ALG9: variants seen among roughly 807,000 people sequenced by gnomAD.
ALG9 encodes the protein ALG9 alpha-1,2-mannosyltransferase.
In ALG9, 55 loss-of-function variants were observed where a neutral mutation model predicts 81.8. The observed-to-expected ratio is 0.67, with a 90% CI of 0.54 to 0.84. ALG9 has a LOEUF of 0.84. Among genes scored for constraint, ALG9 ranks in the 40% least tolerant of loss-of-function variants. The pLI, the probability that ALG9 is intolerant of heterozygous loss-of-function variation, is 0.00. For synonymous variants in ALG9, 278 were observed against 274.3 expected (o/e 1.01, Z -0.13); for missense variants, 629 against 745.0 (o/e 0.84, Z 1.81).
intron 13 of ALG9, among the ~76,000 whole-genome samples, chr11:111,827,453 A>G (rs532056918): frequency 6.6e-5 from 10 of 151,834 alleles, no homozygotes; most frequent in African/African-American, 1.2e-4. Flanking sequence ...GAAAGTCTCA[A>G]AAGAAGGAGA....
At chr11:111,793,757 G>A (rs540129639) in intron 14 of ALG9, among the ~76,000 whole-genome samples, 1 of 129,372 alleles carries the variant, frequency 7.7e-6, no homozygotes, top group Admixed American at 8.5e-5. Flanking sequence ...TGAGAGTCCA[G>A]CTCAAAAAAA....
At chr11:111,865,069 A>G (rs764013433) in intron 4 of ALG9, 112 bp downstream of exon 4, 11 of 852,206 alleles carry the variant, frequency 1.3e-5, no homozygotes, top group Admixed American at 3.3e-5. Flanking sequence ...GAGCCACCGC[A>G]CCCGGTCAAG....
intron 13 of ALG9, among the ~76,000 whole-genome samples, chr11:111,829,521 T>C (rs1953969297): frequency 6.6e-6 from 1 of 152,198 alleles, no homozygotes; most frequent in African/African-American, 2.4e-5. Flanking sequence ...TTATCCATCA[T>C]CAATATCACA....
intron 13 of ALG9, among the ~76,000 whole-genome samples, chr11:111,814,129 A>G (rs116672320): frequency 0.021 from 3,261 of 152,328 alleles, 107 homozygotes; most frequent in African/African-American, 0.073. Flanking sequence ...AACACCCGTC[A>G]ACAGTAAAAT....
At chr11:111,871,310 GC>G in intron 1 of ALG9, 41 bp downstream of exon 1, 2 of 1,383,246 alleles carry the variant, frequency 1.4e-6, no homozygotes, top group South Asian at 1.7e-5. Context: ...GCCCCGAACC[GC>G]CCCGCCGGCC....
intron 14 of ALG9, among the ~76,000 whole-genome samples, chr11:111,794,337 G>A (rs1159343657): frequency 6.6e-6 from 1 of 152,178 alleles, no homozygotes; most frequent in Non-Finnish European, 1.5e-5. Flanking sequence ...AGGCTGGAGT[G>A]CAGTGGCATG....
At chr11:111,795,970 T>C (rs1213888731) in intron 14 of ALG9, among the ~76,000 whole-genome samples, 2 of 152,212 alleles carry the variant, frequency 1.3e-5, no homozygotes, top group African/African-American at 2.4e-5. Context: ...GTGGAGAGGA[T>C]GCCAATGTTC....
intron 13 of ALG9, among the ~76,000 whole-genome samples, 173 bp from the exon 14 acceptor site, chr11:111,809,946 G>T (rs913955140): frequency 2.0e-5 from 3 of 152,070 alleles, no homozygotes; most frequent in Non-Finnish European, 4.4e-5. Flanking sequence ...AGGCTCTTGT[G>T]GGGGAGAGGC....
In ALG9 at chr11:111,800,819, A is replaced by G. The variant is rs75470681; in HGVS notation, c.1733+8824T>C. On this transcript the variant is annotated intron_variant, in intron 14 of 14. Transcript: ENST00000616540. ...CTATGATTTATCATAGTGCCTGGCA[A>G]TGTTCAATAAATATTTGCTAACTGG... Among the ~76,000 whole-genome samples, 1,266 of 152,300 alleles carry G rather than the reference A, an allele frequency of 8.3e-3. 6 individuals are homozygous for G. The highest frequency in any genetic ancestry group is 0.051 in the Middle Eastern group (15 of 294).
At chr11:111,773,883 T>C in the ALG9 span, among the ~76,000 whole-genome samples, 1 of 150,356 alleles carries the variant, frequency 6.7e-6, no homozygotes, top group African/African-American at 2.4e-5. Context: ...GCCTCCCAAG[T>C]AGTTGGGATG....
At chr11:111,775,245 G>T in the ALG9 span, among the ~76,000 whole-genome samples, 1 of 152,160 alleles carries the variant, frequency 6.6e-6, no homozygotes, top group East Asian at 1.9e-4. Flanking sequence ...TTTGCCCTTG[G>T]TCTCCCCTGA....
chr11:111,818,123 T>C (rs868981082), intron 13 of ALG9, among the ~76,000 whole-genome samples: 1 of 152,168 alleles, frequency 6.6e-6, no homozygotes, highest in South Asian at 2.1e-4. Flanking sequence ...AGATTTCTAA[T>C]TCAGTGAACT....
intron 1 of ALG9, chr11:111,871,099 G>C (rs782167272): frequency 1.6e-5 from 20 of 1,226,174 alleles, no homozygotes; most frequent in Admixed American, 4.5e-5. Flanking sequence ...GCCCACTCTA[G>C]GCCTGGCCCA....
intron 14 of ALG9, among the ~76,000 whole-genome samples, chr11:111,795,343 C>G (rs1555074347): frequency 6.6e-6 from 1 of 151,976 alleles, no homozygotes; most frequent in Non-Finnish European, 1.5e-5. Context: ...AATCCTAAAG[C>G]CATTACGTGG....
chr11:111,807,779 A>G (rs1555086728), intron 14 of ALG9, among the ~76,000 whole-genome samples: 1 of 152,172 alleles, frequency 6.6e-6, no homozygotes, highest in African/African-American at 2.4e-5. Flanking sequence ...AGAAAGAGCG[A>G]GACCCCGTCT....
chr11:111,786,561 G>A lies in ALG9; in HGVS notation c.1734-41C>T, dbSNP rs200180336. The A allele has an allele frequency of 1.5e-4, 246 of 1,605,404 alleles. No homozygotes were observed. The African/African-American group carries it at 2.8e-3, about 18-fold the overall frequency. On this transcript the variant is annotated intron_variant, in intron 14 of 14. Coordinates refer to ENST00000616540, the MANE Select transcript of ALG9 (RefSeq NM_024740.2). Reference sequence around the variant, plus strand: ...TAAAAAAAAGAATTTTATCACTTGGGAGAATTTACTAATGGTACTAAATGT... The same window carrying A: ...TAAAAAAAAGAATTTTATCACTTGGAAGAATTTACTAATGGTACTAAATGT...
Position 111,807,073 on chromosome 11 carries a change from A to G in ALG9, c.1733+2570T>C, listed in dbSNP as rs1485352085. On this transcript the variant is annotated intron_variant, in intron 14 of 14. Transcript: ENST00000616540. The stretch of plus-strand genomic sequence containing the variant: ...CATCTCTTGCCTGGCCTATTGCAAT[A>G]GTGGCTTAACTGGTATCCCTGCTTC... Among the ~76,000 whole-genome samples, 4 of 152,162 alleles carry G rather than the reference A, an allele frequency of 2.6e-5. No homozygotes were observed. The East Asian group carries it at 7.7e-4, about 29-fold the overall frequency.
intron 13 of ALG9, among the ~76,000 whole-genome samples, chr11:111,830,776 C>T (rs1275287380): frequency 3.3e-5 from 5 of 152,062 alleles, no homozygotes; most frequent in South Asian, 2.1e-4. Context: ...GAAAGCATGT[C>T]GGGGGAAATC....
intron 8 of ALG9, among the ~76,000 whole-genome samples, chr11:111,846,453 T>C (rs1956962062): frequency 1.3e-5 from 2 of 152,264 alleles, no homozygotes; most frequent in Admixed American, 6.5e-5. Context: ...TATTTGTCTC[T>C]AACACAATTT....
Sources: allele counts gnomAD v4.1 joint callset (sites outside exome capture counted in the v4.1 genomes callset), GRCh38; gene constraint gnomAD v4.1.1; transcripts MANE v1.5; gene names NCBI Gene and HGNC (gene_info 2026-07-23, HGNC 2026-07-21).